The following TNFSF13B variants were observed in gnomAD, a reference collection of about 807,000 sequenced individuals.
TNFSF13B encodes the protein TNF superfamily member 13b, also known as tumor necrosis factor ligand superfamily member 13B.
In TNFSF13B, 8 loss-of-function variants were observed where a neutral mutation model predicts 29.1. The ratio of observed to expected loss-of-function variants is 0.27; its 90% CI spans 0.16 to 0.50. The LOEUF is 0.50. Ranked by LOEUF, TNFSF13B falls within the 20% of genes least tolerant of loss-of-function variation. The pLI, the probability that TNFSF13B is intolerant of heterozygous loss-of-function variation, is 0.98. For synonymous variants in TNFSF13B, 125 were observed against 130.8 expected, an observed-to-expected ratio of 0.96 and a Z score of 0.30; for missense variants, 248 against 334.9, an observed-to-expected ratio of 0.74 and a Z score of 2.03.
intron 2 of TNFSF13B, among the ~76,000 whole-genome samples, chr13:108,271,144 T>C (rs1425044742): frequency 6.6e-6 from 1 of 152,194 alleles, no homozygotes; most frequent in Non-Finnish European, 1.5e-5. Flanking sequence ...TGATCGATTC[T>C]AGTTCTTTCA....
At chr13:108,270,315 TA>T in intron 1 of TNFSF13B, 24 bp from the exon 2 acceptor site, 1 of 1,614,110 alleles carries the variant, frequency 6.2e-7, no homozygotes, top group Non-Finnish European at 8.5e-7. Context: ...GTCTTTCTAA[TA>T]ACTTGAAGTT....
chr13:108,296,297 GTATT>G lies in TNFSF13B; in HGVS notation c.482-6955_482-6952del. On this transcript the variant is annotated intron_variant, in intron 3 of 5. Transcript: ENST00000375887. ...GTTGAGTGATGTTTATAATTATTAG[GTATT>G]CTTGATACATTGACTCTGTTATCAA... 1.4e-5 allele frequency among the ~76,000 whole-genome samples: 2 copies of G among 145,444 alleles called. 1 individual carries two copies. The highest frequency in any genetic ancestry group is 3.1e-5 in the Non-Finnish European group (2 of 65,394).
intron 3 of TNFSF13B, among the ~76,000 whole-genome samples, chr13:108,299,165 T>A (rs1881541885): frequency 6.8e-6 from 1 of 146,262 alleles, no homozygotes; most frequent in Non-Finnish European, 1.5e-5. Context: ...GAGGTAATAA[T>A]CTCAATGCCA....
At chr13:108,272,859 TAAA>T (rs540729998) in intron 2 of TNFSF13B, among the ~76,000 whole-genome samples, 1 of 150,548 alleles carries the variant, frequency 6.6e-6, no homozygotes, top group Non-Finnish European at 1.5e-5. Flanking sequence ...ACTTTACAAT[TAAA>T]AAAAAAGATG....
At chr13:108,293,376 A>G (rs944119930) in intron 3 of TNFSF13B, among the ~76,000 whole-genome samples, 4 of 152,228 alleles carry the variant, frequency 2.6e-5, no homozygotes, top group Admixed American at 2.0e-4. Flanking sequence ...CAATCTTGTT[A>G]TTTATTTTTA....
intron 2 of TNFSF13B, among the ~76,000 whole-genome samples, chr13:108,275,925 CATAT>C (rs1197463881): frequency 6.6e-6 from 1 of 152,260 alleles, no homozygotes; most frequent in East Asian, 1.9e-4. Flanking sequence ...TTGAATGTAG[CATAT>C]ATAAACACCA....
intron 2 of TNFSF13B, among the ~76,000 whole-genome samples, chr13:108,284,136 T>C (rs1247478249): frequency 2.0e-5 from 3 of 152,148 alleles, no homozygotes; most frequent in Non-Finnish European, 4.4e-5. Context: ...GAGACCATCC[T>C]GGCTAACACG....
chr13:108,274,123 TATTG>T (rs966695832), intron 2 of TNFSF13B, among the ~76,000 whole-genome samples: 4 of 152,088 alleles, frequency 2.6e-5, no homozygotes, highest in African/African-American at 9.7e-5. Flanking sequence ...ATGAAATGCG[TATTG>T]ATTGAGTTTT....
At chr13:108,305,872 G>A (rs1282095395) in intron 5 of TNFSF13B, among the ~76,000 whole-genome samples, 1 of 152,088 alleles carries the variant, frequency 6.6e-6, no homozygotes, top group African/African-American at 2.4e-5. Context: ...TTGGGCTTTA[G>A]GTTAGAATAG....
rs995087929 is a variant in TNFSF13B at position 108,296,633 on chromosome 13, A to G, written c.482-6620A>G. Among the ~76,000 whole-genome samples, 42 of 146,166 alleles carry G rather than the reference A, an allele frequency of 2.9e-4. 7 individuals carry two copies. The highest frequency in any genetic ancestry group is 1.0e-3 in the African/African-American group (41 of 39,120). ...ATATTTAAAGTGATTACTGATAAGG[A>G]AAGAATTACTTATGTTGCTGTTTGT... On this transcript the variant is annotated intron_variant, in intron 3 of 5. Transcript: ENST00000375887.
At chr13:108,278,700 C>T (rs959102062) in intron 2 of TNFSF13B, among the ~76,000 whole-genome samples, 2 of 151,838 alleles carry the variant, frequency 1.3e-5, no homozygotes, top group Admixed American at 1.3e-4. Context: ...TCCTCTTCCT[C>T]CTCCTCCCCT....
At chr13:108,288,277 A>C (rs1439381618) in intron 3 of TNFSF13B, among the ~76,000 whole-genome samples, 1 of 152,228 alleles carries the variant, frequency 6.6e-6, no homozygotes, top group African/African-American at 2.4e-5. Context: ...AATTAAGAAT[A>C]TACAATATTT....
intron 2 of TNFSF13B, among the ~76,000 whole-genome samples, chr13:108,279,759 G>A (rs1880879226): frequency 6.6e-6 from 1 of 152,168 alleles, no homozygotes; most frequent in African/African-American, 2.4e-5. Context: ...GTCAAGAATG[G>A]TGAGGTAGGG....
chr13:108,269,690 G>T, upstream of TNFSF13B: 1 of 500,918 alleles, frequency 2.0e-6, no homozygotes, highest in Non-Finnish European at 3.5e-6. Flanking sequence ...CAATCGGAGG[G>T]TAAATGCCAG....
chr13:108,290,753 C>CT (rs887059911), intron 3 of TNFSF13B, among the ~76,000 whole-genome samples: 11 of 150,984 alleles, frequency 7.3e-5, no homozygotes, highest in Non-Finnish European at 1.6e-4. Context: ...ATTTTGCATA[C>CT]TTTTTTTTTC....
At chr13:108,302,491 G>A (rs1449542856) in intron 3 of TNFSF13B, among the ~76,000 whole-genome samples, 2 of 151,754 alleles carry the variant, frequency 1.3e-5, no homozygotes, top group Non-Finnish European at 2.9e-5. Context: ...CTCTTAATGG[G>A]TTTTGATGTC....
At chr13:108,271,715 TC>T (rs1188515254) in intron 2 of TNFSF13B, among the ~76,000 whole-genome samples, 2 of 152,146 alleles carry the variant, frequency 1.3e-5, no homozygotes, top group Non-Finnish European at 2.9e-5. Flanking sequence ...AGTCTATATT[TC>T]CTACATAATT....
At chr13:108,285,732 G>C (rs564717261) in intron 2 of TNFSF13B, among the ~76,000 whole-genome samples, 1 of 152,256 alleles carries the variant, frequency 6.6e-6, no homozygotes, top group African/African-American at 2.4e-5. Context: ...GTTCCCTACT[G>C]TGTCAAGTTC....
At chr13:108,293,438 G>C (rs1245236509) in intron 3 of TNFSF13B, among the ~76,000 whole-genome samples, 1 of 151,992 alleles carries the variant, frequency 6.6e-6, no homozygotes, top group African/African-American at 2.4e-5. Flanking sequence ...GAATTGTAAG[G>C]CTGGCTTTTT....
Sources: allele counts gnomAD v4.1 joint callset (sites outside exome capture counted in the v4.1 genomes callset), GRCh38; gene constraint gnomAD v4.1.1; transcripts MANE v1.5; gene names NCBI Gene and HGNC (gene_info 2026-07-23, HGNC 2026-07-21).